Variants in COL25A1 observed in about 807,000 individuals in gnomAD.
The protein encoded by COL25A1 is collagen type XXV alpha 1 chain.
Under a neutral mutation model 128.4 loss-of-function variants are expected in COL25A1, and 103 were observed. The observed-to-expected ratio is 0.80, with a 90% CI of 0.68 to 0.94. COL25A1 has a LOEUF of 0.94. Ranked by LOEUF, COL25A1 falls within the 40% of genes least tolerant of loss-of-function variation. The pLI, the probability that COL25A1 is intolerant of heterozygous loss-of-function variation, is 0.00. For synonymous variants in COL25A1, 279 were observed against 277.2 expected (o/e 1.01, Z -0.06); for missense variants, 745 against 840.0 (o/e 0.89, Z 1.40).
rs1259263623 is a variant in COL25A1, at chr4:108,812,742, G to T, written c.*1185C>A. The T allele has an allele frequency of 1.3e-5, 2 of 152,170 alleles. No homozygotes were observed. The highest frequency in any genetic ancestry group is 3.9e-4 in the East Asian group (2 of 5,192). 9.4% of individuals were successfully genotyped at this position (152,170 alleles called of 1,614,324 possible). Reference sequence around the variant, plus strand: ...TTTGTAGGAAATGTTTGACATGGTTGGATCGTAGGAGGAAGGAAAGCTCTC... The same window carrying T: ...TTTGTAGGAAATGTTTGACATGGTTTGATCGTAGGAGGAAGGAAAGCTCTC... On this transcript the variant is annotated 3_prime_UTR_variant, in exon 38 of 38. Coordinates refer to ENST00000399132, the MANE Select transcript of COL25A1 (RefSeq NM_198721.4).
At position 108,984,093 on chromosome 4, in the gene COL25A1, A is replaced by G. The variant is rs377441514; in HGVS notation, c.439-9534T>C. Among the ~76,000 whole-genome samples the G allele has an allele frequency of 1.2e-4, 19 of 152,290 alleles. No individual in the cohort carries two copies. In the East Asian group the frequency reaches 3.5e-3, roughly 28 times the overall value. On this transcript the variant is annotated intron_variant, in intron 6 of 37. Coordinates refer to ENST00000399132, the MANE Select transcript of COL25A1 (RefSeq NM_198721.4). ...CACAAAGGTTCTCCAAGGCCGCACC[A>G]GATTAGCTAGATACAGACTGTCCAC...
At chr4:108,999,692 A>C (rs1426044989) in intron 6 of COL25A1, among the ~76,000 whole-genome samples, 2 of 152,222 alleles carry the variant, frequency 1.3e-5, no homozygotes, top group Non-Finnish European at 2.9e-5. Flanking sequence ...CACTATTCAC[A>C]ATAGCAAAGA....
intron 3 of COL25A1, among the ~76,000 whole-genome samples, chr4:109,115,114 T>G (rs1216613842): frequency 1.3e-5 from 2 of 152,032 alleles, no homozygotes; most frequent in African/African-American, 4.8e-5. Context: ...ACATATTGAA[T>G]AAGAGTCAAA....
At chr4:108,977,143 T>G (rs1752515699) in intron 6 of COL25A1, among the ~76,000 whole-genome samples, 1 of 152,150 alleles carries the variant, frequency 6.6e-6, no homozygotes, top group South Asian at 2.1e-4. Flanking sequence ...ACAAGCGCCA[T>G]CTAAAATGCC....
At chr4:109,039,790 C>T (rs980318102) in intron 5 of COL25A1, among the ~76,000 whole-genome samples, 5 of 152,136 alleles carry the variant, frequency 3.3e-5, no homozygotes, top group African/African-American at 4.8e-5. Context: ...TATGCATTAT[C>T]TTTTAAATAA....
chr4:109,144,460 G>A (rs1281650906), intron 3 of COL25A1, among the ~76,000 whole-genome samples: 2 of 152,218 alleles, frequency 1.3e-5, no homozygotes, highest in East Asian at 1.9e-4. Flanking sequence ...ACAGTCAGCA[G>A]GGAAGAACGC....
intron 25 of COL25A1, 60 bp from the exon 26 acceptor site, chr4:108,852,340 C>T: frequency 3.3e-6 from 4 of 1,208,198 alleles, no homozygotes; most frequent in South Asian, 2.7e-5. Flanking sequence ...AAATTCATAC[C>T]TTAAATAGGC....
intron 3 of COL25A1, among the ~76,000 whole-genome samples, chr4:109,128,271 C>G (rs1194578281): frequency 6.6e-6 from 1 of 152,182 alleles, no homozygotes; most frequent in Non-Finnish European, 1.5e-5. Context: ...AAGCTGAGGA[C>G]TAAACTCTGG....
In COL25A1 at chr4:109,206,479, T is replaced by C. The variant is rs531042774; in HGVS notation, c.367+94104A>G. ...TCCAAGAAGGTATAATTCTTTATAA[T>C]GTTTTCCAGGGATTTGCTGAACAGC... On this transcript the variant is annotated intron_variant, in intron 3 of 37. Coordinates refer to ENST00000399132, the MANE Select transcript of COL25A1 (RefSeq NM_198721.4). 5.9e-5 allele frequency among the ~76,000 whole-genome samples: 9 copies of C among 152,298 alleles called. No individual in the cohort carries two copies. The South Asian group carries it at 1.0e-3, about 18-fold the overall frequency.
At chr4:109,079,296 A>T (rs182242528) in intron 3 of COL25A1, among the ~76,000 whole-genome samples, 1 of 152,278 alleles carries the variant, frequency 6.6e-6, no homozygotes, top group East Asian at 1.9e-4. Context: ...TCATTGTTCT[A>T]TTGAAGAATA....
intron 18 of COL25A1, among the ~76,000 whole-genome samples, chr4:108,888,363 T>C (rs747001039): frequency 2.6e-4 from 39 of 152,330 alleles, no homozygotes; most frequent in Non-Finnish European, 4.6e-4. Context: ...TTCATATGTT[T>C]ATCTACAGCA....
intron 31 of COL25A1, 84 bp downstream of exon 31, chr4:108,841,611 G>T: frequency 9.0e-7 from 1 of 1,112,718 alleles, no homozygotes; most frequent in Non-Finnish European, 1.4e-6. Flanking sequence ...AAATAAATAA[G>T]ATAGGACAGA....
intron 16 of COL25A1, among the ~76,000 whole-genome samples, chr4:108,894,223 A>T (rs1741871388): frequency 6.6e-6 from 1 of 152,208 alleles, no homozygotes; most frequent in African/African-American, 2.4e-5. Flanking sequence ...TTAAATTTCA[A>T]AAATTTTAAT....
At chr4:109,218,587 G>C (rs971005925) in intron 3 of COL25A1, among the ~76,000 whole-genome samples, 1 of 151,532 alleles carries the variant, frequency 6.6e-6, no homozygotes, top group Admixed American at 6.6e-5. Context: ...CAGAAACCAC[G>C]AGTCTCCTAA....
intron 20 of COL25A1, among the ~76,000 whole-genome samples, chr4:108,867,589 T>G (rs1738090948): frequency 6.6e-6 from 1 of 152,184 alleles, no homozygotes; most frequent in Non-Finnish European, 1.5e-5. Context: ...TTACTAGGTT[T>G]AGAGTTATTT....
chr4:108,844,409 C>G, intron 30 of COL25A1, 110 bp downstream of exon 30: 2 of 1,576,238 alleles, frequency 1.3e-6, no homozygotes, highest in African/African-American at 1.4e-5. Context: ...ATCCATTCCA[C>G]AGAGAGTAGT....
At chr4:108,960,621 T>A (rs112782573) in intron 8 of COL25A1, among the ~76,000 whole-genome samples, 37 of 152,292 alleles carry the variant, frequency 2.4e-4, no homozygotes, top group African/African-American at 8.4e-4. Flanking sequence ...CCCCTTTGTA[T>A]CTAGAAGTTT....
At chr4:109,243,627 C>T (rs1195306198) in intron 3 of COL25A1, among the ~76,000 whole-genome samples, 1 of 151,928 alleles carries the variant, frequency 6.6e-6, no homozygotes, top group Non-Finnish European at 1.5e-5. Context: ...ATCAGTTATT[C>T]CAGTGACCAG....
At chr4:109,252,602 T>C (rs1428042486) in intron 3 of COL25A1, among the ~76,000 whole-genome samples, 3 of 152,232 alleles carry the variant, frequency 2.0e-5, no homozygotes, top group Non-Finnish European at 4.4e-5. Context: ...GGTCTATCCA[T>C]ATACCTCTTC....
Sources: allele counts gnomAD v4.1 joint callset (sites outside exome capture counted in the v4.1 genomes callset), GRCh38; gene constraint gnomAD v4.1.1; transcripts MANE v1.5; gene names NCBI Gene and HGNC (gene_info 2026-07-23, HGNC 2026-07-21).